The following MOV10L1 variants were observed in gnomAD, a reference collection of about 807,000 sequenced individuals.
The protein encoded by MOV10L1 is RNA helicase Mov10l1.
In MOV10L1, 110 loss-of-function variants were observed where a neutral mutation model predicts 143.8. The observed-to-expected ratio is 0.76, with a 90% CI of 0.66 to 0.90. MOV10L1 has a LOEUF of 0.90. MOV10L1 is among the 40% of genes least tolerant of loss of function. MOV10L1 has a pLI of 0.00. For missense variants in MOV10L1, 1,406 were observed against 1,526.8 expected (o/e 0.92, Z 1.32); for synonymous variants, 593 against 581.1 (o/e 1.02, Z -0.29).
Position 50,158,710 on chromosome 22 carries a change from G to C in MOV10L1, c.3216+504G>C, listed in dbSNP as rs1318341729. On this transcript the variant is annotated intron_variant, in intron 23 of 26. Coordinates refer to ENST00000262794, the MANE Select transcript of MOV10L1 (RefSeq NM_018995.3). This position sits in a 1 kb window ranked among gnomAD's most constrained non-coding sequence, Gnocchi z 5.0. ...AGGTGCCTCCCATGCCGAACACCAG[G>C]TTTCATTCATGAAGCATGTGTCCCT... is the stretch of plus-strand genomic sequence containing the variant. 1 of 155,294 alleles carries C rather than the reference G, an allele frequency of 6.4e-6. No homozygotes were observed. The highest frequency in any genetic ancestry group is 2.4e-5 in the African/African-American group (1 of 41,420). The allele number at this position is 155,294 out of a possible 1,614,324, so 9.6% of individuals were successfully genotyped here.
chr22:50,111,231 A>G (rs546947412), intron 5 of MOV10L1, among the ~76,000 whole-genome samples: 1 of 152,332 alleles, frequency 6.6e-6, no homozygotes, highest in African/African-American at 2.4e-5. Context: ...TTAAAAGAGA[A>G]AAGTGGGCTG....
Position 50,117,324 on chromosome 22 carries a change from C to G in MOV10L1, c.1427C>G (p.Thr476Ser). 1 of 1,614,068 alleles carries G rather than the reference C, an allele frequency of 6.2e-7. No individual in the cohort carries two copies. The highest frequency in any genetic ancestry group is 1.1e-5 in the South Asian group (1 of 91,042). ...TCACAAGCGTTAACATCCGCAAAAA[C>G]TACAGTTGTTGTGACCGCACAGAAA... Reference protein sequence around the residue: ...KSSQALTSAKTTVVVTAQKRN... With the variant: ...KSSQALTSAKSTVVVTAQKRN... Residue 476 changes from threonine to serine, a missense_variant, in exon 9 of 27, where the codon ACT (threonine) becomes AGT (serine). Thr to Ser is a moderately conservative substitution (Grantham distance 58). Around this residue, in one of 3 missense-constraint regions of MOV10L1, gnomAD observed 1,233 missense variants for 1,351.4 expected, o/e 0.91. Coordinates refer to ENST00000262794, the MANE Select transcript of MOV10L1 (RefSeq NM_018995.3).
At chr22:50,124,477 T>C (rs2062438063) in intron 10 of MOV10L1, among the ~76,000 whole-genome samples, 1 of 152,232 alleles carries the variant, frequency 6.6e-6, no homozygotes, top group South Asian at 2.1e-4. Context: ...CTTTTCTTCC[T>C]GTTCTTGTGC....
chr22:50,144,730 C>A (rs1162626209), intron 18 of MOV10L1, among the ~76,000 whole-genome samples: 1 of 151,270 alleles, frequency 6.6e-6, no homozygotes, highest in African/African-American at 2.4e-5. Flanking sequence ...TACAGGCACC[C>A]GCCACTGCGC....
At chr22:50,125,668 G>GCATTTTCTT in intron 11 of MOV10L1, 99 bp downstream of exon 11, 1 of 1,228,940 alleles carries the variant, frequency 8.1e-7, no homozygotes, top group Non-Finnish European at 1.1e-6. Flanking sequence ...TCACATTATC[G>GCATTTTCTT]CATTTTCTTT....
rs1040815744 is a variant in MOV10L1 at position 50,161,601 on chromosome 22, T to TGCC, written c.*153_*155dup. ...CTGCCAGGTTGGACGCAGCTGCTGC[T>TGCC]GCCCTGACTTTGGCATATGCCAGCC... On this transcript the variant is annotated 3_prime_UTR_variant, in exon 27 of 27. Transcript: ENST00000262794. 2 of 724,572 alleles carry TGCC rather than the reference T, an allele frequency of 2.8e-6. No individual in the cohort carries two copies. The highest frequency in any genetic ancestry group is 3.6e-5 in the African/African-American group (2 of 55,886). 44.9% of individuals were successfully genotyped at this position (724,572 alleles called of 1,614,324 possible).
intron 2 of MOV10L1, chr22:50,094,852 A>T (rs1376787552): frequency 6.6e-6 from 1 of 152,216 alleles, no homozygotes; most frequent in Non-Finnish European, 1.5e-5. Context: ...ACCCAATAAA[A>T]TAATTCAAAG....
At position 50,158,143 on chromosome 22, in the gene MOV10L1, C is replaced by G; in HGVS notation, c.3153C>G (p.Ala1051=). Residue 1051 remains alanine, a synonymous_variant, in exon 23 of 27, where the codon GCC becomes GCG. Transcript: ENST00000262794. This position sits in a 1 kb window ranked among gnomAD's most constrained non-coding sequence, Gnocchi z 5.0. ...VQVLRYCCLL[A]HSISSQVSAS... is the part of the protein sequence containing the mutation. Reference sequence around the variant, plus strand: ...TCCTGCGCTACTGCTGCCTCCTGGCCCACAGCATCTCCAGTCAGGTGTCTG... The same window carrying G: ...TCCTGCGCTACTGCTGCCTCCTGGCGCACAGCATCTCCAGTCAGGTGTCTG... 6.2e-7 allele frequency: 1 copy of G among 1,614,184 alleles called. No homozygotes were observed. Among genetic ancestry groups the G allele is most frequent in the East Asian group, 2.2e-5 (1 of 44,874 alleles).
intron 21 of MOV10L1, 64 bp downstream of exon 21, chr22:50,150,963 G>A (rs1186512440): frequency 5.0e-6 from 8 of 1,591,426 alleles, no homozygotes; most frequent in Middle Eastern, 1.7e-4. Flanking sequence ...CAGGGCAGTC[G>A]AGCAGCTCAC....
intron 12 of MOV10L1, 61 bp downstream of exon 12, chr22:50,126,333 G>T: frequency 7.6e-7 from 1 of 1,314,032 alleles, no homozygotes; most frequent in Non-Finnish European, 1.1e-6. Context: ...GGTTGGAAAG[G>T]TAACGTTCTC....
intron 22 of MOV10L1, among the ~76,000 whole-genome samples, chr22:50,156,561 T>C (rs1224947009): frequency 6.6e-6 from 1 of 152,246 alleles, no homozygotes; most frequent in East Asian, 1.9e-4. Context: ...ACCATTCTAC[T>C]TTCTGACTGT....
intron 13 of MOV10L1, among the ~76,000 whole-genome samples, chr22:50,130,525 A>T (rs937639538): frequency 1.3e-5 from 2 of 152,160 alleles, no homozygotes; most frequent in African/African-American, 4.8e-5. Flanking sequence ...GGAGGGCAGG[A>T]TGGAGAGAGA....
chr22:50,131,064 T>C (rs2062661828), intron 13 of MOV10L1, among the ~76,000 whole-genome samples: 1 of 12,566 alleles, frequency 8.0e-5, no homozygotes, highest in Non-Finnish European at 1.2e-4. Flanking sequence ...GCCCGGCTAA[T>C]TTTTTTTTTT....
intron 17 of MOV10L1, 86 bp from the exon 18 acceptor site, chr22:50,144,011 C>G (rs982497406): frequency 2.4e-5 from 37 of 1,522,442 alleles, no homozygotes; most frequent in Non-Finnish European, 3.6e-6. Context: ...TCCCTGCACC[C>G]GAATGTGTGT....
intron 15 of MOV10L1, among the ~76,000 whole-genome samples, chr22:50,137,201 C>G (rs991585383): frequency 6.6e-6 from 1 of 151,918 alleles, no homozygotes; most frequent in African/African-American, 2.4e-5. Flanking sequence ...TGGAACCAAC[C>G]CCCCCGAAAT....
intron 12 of MOV10L1, 76 bp downstream of exon 12, chr22:50,126,348 C>A: frequency 4.9e-5 from 53 of 1,090,470 alleles, no homozygotes; most frequent in Non-Finnish European, 6.5e-5. Context: ...GTTCTCCCCA[C>A]GGCTCTTGGG....
intron 12 of MOV10L1, among the ~76,000 whole-genome samples, chr22:50,127,993 A>C (rs1336634398): frequency 2.6e-5 from 4 of 151,222 alleles, no homozygotes; most frequent in Non-Finnish European, 5.9e-5. Flanking sequence ...CTGGTCTCAA[A>C]CTCCTGACCT....
At chr22:50,146,969 G>A in intron 19 of MOV10L1, 2 of 1,214,718 alleles carry the variant, frequency 1.6e-6, no homozygotes, top group Non-Finnish European at 2.4e-6. Flanking sequence ...GTGCCCGAGA[G>A]CCGTGTGTGG....
At chr22:50,096,724 T>C (rs1274288408) in intron 2 of MOV10L1, among the ~76,000 whole-genome samples, 6 of 152,200 alleles carry the variant, frequency 3.9e-5, no homozygotes, top group Non-Finnish European at 8.8e-5. Context: ...GATTTGCATT[T>C]CCCTAATGAT....
Sources: gnomAD v4.1 joint callset for allele counts (sites outside exome capture counted in the v4.1 genomes callset) on GRCh38, gnomAD v4.1.1 for gene constraint, gnomAD v4.1.1 regional missense constraint, Gnocchi (gnomAD v3.1) non-coding constraint, MANE v1.5 for transcripts, NCBI Gene and HGNC (gene_info 2026-07-23, HGNC 2026-07-21) for gene names.